Variants in SEPSECS observed in about 807,000 individuals in gnomAD.
The protein encoded by SEPSECS is O-phosphoseryl-tRNA(Sec) selenium transferase.
Under a neutral mutation model 52.1 loss-of-function variants are expected in SEPSECS, and 42 were observed. That is an observed-to-expected ratio of 0.81 (90% CI 0.63 to 1.04). The LOEUF (loss-of-function observed/expected upper bound fraction) is 1.04, where lower values mean the gene tolerates loss of function less well. Ranked by LOEUF, SEPSECS falls within the 50% of genes least tolerant of loss-of-function variation. SEPSECS has a pLI of 0.00. For missense variants in SEPSECS, 590 were observed against 610.6 expected (o/e 0.97, Z 0.36); for synonymous variants, 216 against 211.4 (o/e 1.02, Z -0.19).
At chr4:25,135,777 A>C (rs996570699) in intron 8 of SEPSECS, among the ~76,000 whole-genome samples, 1 of 152,208 alleles carries the variant, frequency 6.6e-6, no homozygotes, top group African/African-American at 2.4e-5. Context: ...TCCCTGATGA[A>C]TATCGACGCA....
rs1299826885 is a variant in SEPSECS, at chr4:25,123,989, T to C, written c.1448A>G (p.Glu483Gly). 2 of 1,613,554 alleles carry C rather than the reference T, an allele frequency of 1.2e-6. No individual in the cohort carries two copies. The highest frequency in any genetic ancestry group is 1.3e-5 in the African/African-American group (1 of 74,910). Residue 483 changes from glutamate to glycine, a missense_variant, in exon 11 of 11, where the codon GAA becomes GGA. Coordinates refer to ENST00000382103, the MANE Select transcript of SEPSECS (RefSeq NM_016955.4). The part of the protein sequence containing the change: ...YDKTEDVDIE[E>G]MALKLDNVLL... ...TACATTATCTAGTTTTAAAGCCATT[T>C]CTTCAATATCCACATCTTCAGTTTT...
rs530525766 is a variant in SEPSECS, at chr4:25,160,310, C to T, written c.60G>A (p.Gln20=). The T allele has an allele frequency of 1.3e-6, 2 of 1,549,714 alleles. No individual in the cohort carries two copies. The highest frequency in any genetic ancestry group is 1.4e-5 in the African/African-American group (1 of 73,156). ...ERLVSPAYVR[Q]GCEARRSHEH... ...CATGCGAGCGGCGGGCCTCACAGCC[C>T]TGCCGCACGTAAGCCGGCGACACCA... is the stretch of plus-strand genomic sequence containing the variant. Residue 20 remains glutamine, a synonymous_variant, in exon 1 of 11, where the codon CAG becomes CAA. Transcript: ENST00000382103.
At chr4:25,138,185 C>G (rs1365723710) in intron 8 of SEPSECS, among the ~76,000 whole-genome samples, 3 of 152,160 alleles carry the variant, frequency 2.0e-5, no homozygotes, top group Non-Finnish European at 4.4e-5. Context: ...TGTAACAAAC[C>G]TGCACATCCT....
chr4:25,123,678 T>C lies in SEPSECS; in HGVS notation c.*253A>G, dbSNP rs75428345. On this transcript the variant is annotated 3_prime_UTR_variant, in exon 11 of 11. Transcript: ENST00000382103. ...AAATTATCTGAGTCATGATGCTTAA[T>C]TGACAGATATTCTAACAATTAGAAA... is the stretch of plus-strand genomic sequence containing the variant. 281 of 487,440 alleles carry C rather than the reference T, an allele frequency of 5.8e-4. 3 individuals are homozygous for C. The East Asian group carries it at 7.9e-3, about 14-fold the overall frequency. The allele number at this position is 487,440 out of a possible 1,614,324, so 30.2% of individuals were successfully genotyped here.
rs534468407 is a variant in SEPSECS at position 25,129,845 on chromosome 4, C to A, written c.1027-2488G>T. Among the ~76,000 whole-genome samples the A allele has an allele frequency of 2.0e-5, 3 of 152,268 alleles. No homozygotes were observed. The South Asian group carries it at 6.2e-4, about 32-fold the overall frequency. On this transcript the variant is annotated intron_variant, in intron 8 of 10. Transcript: ENST00000382103. ...TTCCTGGGTTTCATCCATATATTTT[C>A]ATCTCCTATAAAGTAATTAGGTTAC...
intron 8 of SEPSECS, among the ~76,000 whole-genome samples, chr4:25,140,312 TGAGTTTTTTTGGCCA>T (rs1414762589): frequency 6.6e-6 from 1 of 152,244 alleles, no homozygotes; most frequent in Non-Finnish European, 1.5e-5. Flanking sequence ...AAAATATAAC[TGAGTTTTTTTGGCCA>T]GAGTAGCTAG....
At chr4:25,126,623 CATT>C (rs1272224402) in intron 9 of SEPSECS, among the ~76,000 whole-genome samples, 4 of 152,138 alleles carry the variant, frequency 2.6e-5, no homozygotes, top group Non-Finnish European at 4.4e-5. Flanking sequence ...TCAACATTCA[CATT>C]ATTGTTTTTA....
At chr4:25,131,350 A>C (rs1728598366) in intron 8 of SEPSECS, among the ~76,000 whole-genome samples, 1 of 152,238 alleles carries the variant, frequency 6.6e-6, no homozygotes, top group South Asian at 2.1e-4. Flanking sequence ...ATGTTTCAGA[A>C]GGCAGGTAAT....
chr4:25,144,686 T>C (rs911983878), intron 8 of SEPSECS, 88 bp downstream of exon 8: 1 of 953,424 alleles, frequency 1.0e-6, no homozygotes, highest in Non-Finnish European at 1.7e-6. Context: ...TCCCTCCCAG[T>C]GCAAGAAACC....
Position 25,123,952 on chromosome 4 carries a change from T to C in SEPSECS, c.1485A>G (p.Thr495=), listed in dbSNP as rs1728241588. 6.2e-7 allele frequency: 1 copy of C among 1,613,568 alleles called. No individual in the cohort carries two copies. ...CATGTCATGAAGAAGCATCCTGGTA[T>C]GTGTCAAGAAGTACATTATCTAGTT... is the stretch of plus-strand genomic sequence containing the variant. ...ALKLDNVLLD[T]YQDASS Residue 495 remains threonine, a synonymous_variant, in exon 11 of 11, where the codon ACA becomes ACG. Coordinates refer to ENST00000382103, the MANE Select transcript of SEPSECS (RefSeq NM_016955.4).
intron 4 of SEPSECS, 128 bp from the exon 5 acceptor site, chr4:25,155,279 T>C: frequency 1.0e-6 from 1 of 1,004,008 alleles, no homozygotes; most frequent in Non-Finnish European, 1.5e-6. Context: ...AACCTTCCTC[T>C]GGTAATAAAT....
At chr4:25,139,384 C>CTT (rs5856888) in intron 8 of SEPSECS, among the ~76,000 whole-genome samples, 4,459 of 108,722 alleles carry the variant, frequency 0.041, 381 homozygotes, top group Middle Eastern at 0.063. Context: ...AAAGTTGTGT[C>CTT]TTTTTTTTTT....
At chr4:25,146,622 T>C (rs897164674) in intron 6 of SEPSECS, among the ~76,000 whole-genome samples, 1 of 152,164 alleles carries the variant, frequency 6.6e-6, no homozygotes, top group Non-Finnish European at 1.5e-5. Context: ...GAGGAATCAA[T>C]GCACCAGACT....
At chr4:25,157,355 T>A (rs532979849) in intron 2 of SEPSECS, among the ~76,000 whole-genome samples, 87 of 152,236 alleles carry the variant, frequency 5.7e-4, no homozygotes, top group African/African-American at 2.1e-3. Flanking sequence ...AACCTTCAGA[T>A]GACTAAACTC....
intron 6 of SEPSECS, 75 bp from the exon 7 acceptor site, chr4:25,145,208 A>G: frequency 7.0e-7 from 1 of 1,438,422 alleles, no homozygotes; most frequent in Non-Finnish European, 9.7e-7. Context: ...ATACCACAAC[A>G]AAAAATTATA....
Position 25,122,643 on chromosome 4 carries a change from T to C in SEPSECS, c.*1288A>G, listed in dbSNP as rs984709044. ...ACATTTTCTCCCCATGAGCATCTTT[T>C]AGGAACATGATCCACAGAGCTGGGT... On this transcript the variant is annotated 3_prime_UTR_variant, in exon 11 of 11. Transcript: ENST00000382103. The C allele has an allele frequency of 2.0e-5, 3 of 152,186 alleles. No homozygotes were observed. The highest frequency in any genetic ancestry group is 2.9e-5 in the Non-Finnish European group (2 of 68,020). 9.4% of individuals were successfully genotyped at this position (152,186 alleles called of 1,614,324 possible).
At chr4:25,160,511 A>C, upstream of SEPSECS, 1 of 666,372 alleles carries the variant, frequency 1.5e-6, no homozygotes, top group Non-Finnish European at 2.6e-6. Flanking sequence ...AACAAAACAA[A>C]AAAAACACTT....
chr4:25,153,716 A>G (rs1399584596), intron 5 of SEPSECS, among the ~76,000 whole-genome samples: 8 of 152,068 alleles, frequency 5.3e-5, no homozygotes, highest in African/African-American at 1.4e-4. Context: ...AAAATTTAAT[A>G]AAGTCAGAAA....
At chr4:25,157,903 G>A (rs1337590267) in intron 2 of SEPSECS, among the ~76,000 whole-genome samples, 3 of 152,068 alleles carry the variant, frequency 2.0e-5, no homozygotes, top group Admixed American at 6.6e-5. Flanking sequence ...TTCCAATGAT[G>A]GTTCAAATAT....
Sources: gnomAD v4.1 joint callset for allele counts (sites outside exome capture counted in the v4.1 genomes callset) on GRCh38, gnomAD v4.1.1 for gene constraint, MANE v1.5 for transcripts, NCBI Gene and HGNC (gene_info 2026-07-23, HGNC 2026-07-21) for gene names.